Variants in STMND1 observed in about 807,000 individuals in gnomAD.
STMND1 encodes the protein stathmin domain-containing protein 1.
In STMND1, 17 loss-of-function variants were observed where a neutral mutation model predicts 23.0. The observed-to-expected ratio is 0.74, with a 90% CI of 0.51 to 1.11. The LOEUF (loss-of-function observed/expected upper bound fraction) is 1.11. Among genes scored for constraint, STMND1 ranks in the 50% least tolerant of loss-of-function variants. The probability of loss-of-function intolerance (pLI) is 0.00; values close to 1 mark genes in which losing one functional copy is unlikely to be tolerated. For missense variants in STMND1, 305 were observed against 329.1 expected (o/e 0.93, Z 0.57); for synonymous variants, 114 against 119.9 (o/e 0.95, Z 0.32).
At chr6:17,127,908 G>C (rs1239284923) in intron 3 of STMND1, 2 of 152,116 alleles carry the variant, frequency 1.3e-5, no homozygotes, top group African/African-American at 4.8e-5. Context: ...TTGCAGAGCA[G>C]TGTATATAGT....
rs942521211 is a variant in STMND1 at position 17,123,948 on chromosome 6, G to T, written c.411+3190G>T. On this transcript the variant is annotated intron_variant, in intron 3 of 4. Transcript: ENST00000536551. ...GAGGCCAATGTAAAAAGATGAGAATGAATATTGAAGGACTGAGAGGGGAAC... is the reference window on the plus strand; with the variant it reads ...GAGGCCAATGTAAAAAGATGAGAATTAATATTGAAGGACTGAGAGGGGAAC... Among the ~76,000 whole-genome samples the T allele has an allele frequency of 5.3e-5, 8 of 151,970 alleles. No individual in the cohort carries two copies. The East Asian group carries it at 5.8e-4, about 11-fold the overall frequency.
At chr6:17,126,057 TATATATATATA>T (rs1411670182) in intron 3 of STMND1, among the ~76,000 whole-genome samples, 736 of 28,140 alleles carry the variant, frequency 0.026, 21 homozygotes, top group East Asian at 0.042. Context: ...TATATATATA[TATATATATATA>T]TATTTTTTTT....
chr6:17,105,503 G>A (rs12191564), intron 1 of STMND1, among the ~76,000 whole-genome samples: 4,817 of 152,120 alleles, frequency 0.032, 120 homozygotes, highest in Admixed American at 0.067. Context: ...AAATTAGCCG[G>A]GCGTGATGGC....
chr6:17,127,512 T>C (rs898458357), intron 3 of STMND1, among the ~76,000 whole-genome samples: 5 of 152,148 alleles, frequency 3.3e-5, no homozygotes, highest in African/African-American at 4.8e-5. Flanking sequence ...ATCGTGTCAA[T>C]GCACTCCAGC....
At chr6:17,117,307 G>C (rs984693311) in intron 2 of STMND1, among the ~76,000 whole-genome samples, 16 of 152,126 alleles carry the variant, frequency 1.1e-4, no homozygotes, top group Admixed American at 1.0e-3. Context: ...GACTTCAGGT[G>C]CTCCTCCCGC....
chr6:17,121,146 G>T (rs1354182745), intron 3 of STMND1, among the ~76,000 whole-genome samples: 2 of 152,162 alleles, frequency 1.3e-5, no homozygotes, highest in Non-Finnish European at 2.9e-5. Flanking sequence ...GTGAAGAGGT[G>T]CCTTCCACCA....
At chr6:17,115,727 G>T (rs574728426) in intron 2 of STMND1, among the ~76,000 whole-genome samples, 2 of 152,018 alleles carry the variant, frequency 1.3e-5, no homozygotes, top group South Asian at 2.1e-4. Context: ...ATTTATATTC[G>T]GTCAGCCTTT....
At chr6:17,104,222 G>A (rs901378430) in intron 1 of STMND1, among the ~76,000 whole-genome samples, 1 of 152,072 alleles carries the variant, frequency 6.6e-6, no homozygotes, top group Admixed American at 6.5e-5. Flanking sequence ...GGACTAATAC[G>A]TAGAAATACT....
intron 3 of STMND1, among the ~76,000 whole-genome samples, chr6:17,126,303 G>C (rs1331137961): frequency 2.0e-5 from 3 of 151,508 alleles, no homozygotes; most frequent in African/African-American, 7.3e-5. Context: ...CTTTCTACAG[G>C]TTTTTTATTT....
chr6:17,129,079 T>A (rs1376626700), intron 3 of STMND1, 33 bp from the exon 4 acceptor site: 16 of 1,531,042 alleles, frequency 1.0e-5, no homozygotes, highest in Non-Finnish European at 1.4e-5. Flanking sequence ...TGAATATGAT[T>A]GTTTCTTCAT....
intron 1 of STMND1, among the ~76,000 whole-genome samples, chr6:17,102,733 G>A (rs1760960344): frequency 6.6e-6 from 1 of 152,130 alleles, no homozygotes; most frequent in African/African-American, 2.4e-5. Flanking sequence ...GTTAGAGTCC[G>A]TAGGAACTGC....
chr6:17,127,593 C>T lies in STMND1; in HGVS notation c.412-1519C>T, dbSNP rs771859074. Among the ~76,000 whole-genome samples, 94 of 152,190 alleles carry T rather than the reference C, an allele frequency of 6.2e-4. 1 individual carries two copies. In the Middle Eastern group the frequency reaches 0.014, roughly 22 times the overall value. On this transcript the variant is annotated intron_variant, in intron 3 of 4. Coordinates refer to ENST00000536551, the MANE Select transcript of STMND1 (RefSeq NM_001190766.2). ...AAAAACCCGTCATTCCATAGCCCAG[C>T]CAGGATTCAAACCCAGGGCTGACTA...
At chr6:17,125,604 C>A (rs12197693) in intron 3 of STMND1, among the ~76,000 whole-genome samples, 46,397 of 151,874 alleles carry the variant, frequency 0.31, 7,292 homozygotes, top group Middle Eastern at 0.34. Context: ...GTTGAACCTC[C>A]TGGAGAATTT....
chr6:17,130,992 T>A lies in STMND1; in HGVS notation c.*111T>A. ...ACCTCATTCCACTGGGATTTCTGCC[T>A]TGGGCTTAAGGATGATTGTGTGGGC... On this transcript the variant is annotated 3_prime_UTR_variant, in exon 5 of 5. Coordinates refer to ENST00000536551, the MANE Select transcript of STMND1 (RefSeq NM_001190766.2). 9.2e-7 allele frequency: 1 copy of A among 1,090,326 alleles called. No individual in the cohort carries two copies. The highest frequency in any genetic ancestry group is 1.3e-6 in the Non-Finnish European group (1 of 784,082). The allele number at this position is 1,090,326 out of a possible 1,614,324, so 67.5% of individuals were successfully genotyped here.
rs148111929 is a variant in STMND1, at chr6:17,121,192, A to T, written c.411+434A>T. ...TTTCCTGAGGCCTTCCCAGCCATGTAGAACTCTGAATCAATTAAACCTCTT... is the reference window on the plus strand; with the variant it reads ...TTTCCTGAGGCCTTCCCAGCCATGTTGAACTCTGAATCAATTAAACCTCTT... On this transcript the variant is annotated intron_variant, in intron 3 of 4. Coordinates refer to ENST00000536551, the MANE Select transcript of STMND1 (RefSeq NM_001190766.2). 8.2e-3 allele frequency among the ~76,000 whole-genome samples: 1,252 copies of T among 152,356 alleles called. 14 individuals carry two copies. The highest frequency in any genetic ancestry group is 0.014 in the Middle Eastern group (4 of 294).
intron 1 of STMND1, among the ~76,000 whole-genome samples, chr6:17,108,714 A>C (rs1581366506): frequency 1.0e-5 from 1 of 100,302 alleles, no homozygotes. Flanking sequence ...TTTTTTTGAG[A>C]TGGAGATGGA....
intron 3 of STMND1, chr6:17,128,446 G>T (rs527907568): frequency 4.6e-5 from 7 of 152,146 alleles, no homozygotes; most frequent in Non-Finnish European, 1.0e-4. Context: ...AAATCATCAG[G>T]TTGAACTCTT....
chr6:17,130,724 C>G lies in STMND1; in HGVS notation c.674C>G (p.Ala225Gly). ...FAKGLQRVRS[A>G]GFEPSDLQGG... The stretch of plus-strand genomic sequence containing the variant: ...AAAGGACTTCAAAGGGTGAGGTCTG[C>G]TGGATTTGAACCATCTGACCTGCAG... The change falls in exon 5 of 5, where the codon GCT becomes GGT. Residue 225 changes from alanine (A) to glycine (G), a missense_variant. By Grantham distance (60) the Ala-to-Gly change is moderately conservative (BLOSUM62 0). Coordinates refer to ENST00000536551, the MANE Select transcript of STMND1 (RefSeq NM_001190766.2). 1 of 1,536,014 alleles carries G rather than the reference C, an allele frequency of 6.5e-7. No individual in the cohort carries two copies. Among genetic ancestry groups the G allele is most frequent in the Non-Finnish European group, 8.7e-7 (1 of 1,146,894 alleles).
chr6:17,110,490 C>A, intron 1 of STMND1: 1 of 210,468 alleles, frequency 4.8e-6, no homozygotes, highest in South Asian at 7.2e-5. Context: ...TTAAATGAGT[C>A]CAGTCGCGGT....
Sources: allele counts gnomAD v4.1 joint callset (sites outside exome capture counted in the v4.1 genomes callset), GRCh38; gene constraint gnomAD v4.1.1; transcripts MANE v1.5; gene names NCBI Gene and HGNC (gene_info 2026-07-23, HGNC 2026-07-21).